The following TENT5D variants were observed in gnomAD, a reference collection of about 807,000 sequenced individuals.
TENT5D encodes the protein terminal nucleotidyltransferase 5D.
For synonymous variants in TENT5D, 103 were observed against 100.6 expected (o/e 1.02, Z -0.15); for missense variants, 191 against 287.0 (o/e 0.67, Z 2.42).
intron 3 of TENT5D, among the ~76,000 whole-genome samples, chrX:80,408,191 A>T (rs1278123745): frequency 1.9e-5 from 2 of 106,547 alleles, no homozygotes; most frequent in Non-Finnish European, 3.9e-5. Context: ...AATTAAAAGA[A>T]CTAGAAAAGC....
At chrX:80,382,589 T>G (rs1331343092) in intron 3 of TENT5D, among the ~76,000 whole-genome samples, 1 of 90,049 alleles carries the variant, frequency 1.1e-5, no homozygotes, top group African/African-American at 4.0e-5. Context: ...TGAGGAGGGG[T>G]CTGCAGAGGA....
chrX:80,344,897 C>G (rs1412810151), intron 3 of TENT5D, among the ~76,000 whole-genome samples: 1 of 111,512 alleles, frequency 9.0e-6, no homozygotes, highest in Non-Finnish European at 1.9e-5. Context: ...AATTTTAACC[C>G]ATGTTAGTTT....
At chrX:80,388,254 T>C (rs1931059770) in intron 3 of TENT5D, among the ~76,000 whole-genome samples, 1 of 111,053 alleles carries the variant, frequency 9.0e-6, no homozygotes, top group African/African-American at 3.3e-5. Flanking sequence ...ACACCTAAGC[T>C]GCAAAACAAA....
At chrX:80,359,741 A>T (rs1312222213) in intron 3 of TENT5D, among the ~76,000 whole-genome samples, 1 of 111,459 alleles carries the variant, frequency 9.0e-6, no homozygotes, top group Non-Finnish European at 1.9e-5. Flanking sequence ...CCTATGTAAC[A>T]AACCTGCACG....
At chrX:80,428,783 A>C (rs918536936) in intron 1 of TENT5D, among the ~76,000 whole-genome samples, 25 of 112,017 alleles carry the variant, frequency 2.2e-4, no homozygotes, top group African/African-American at 7.8e-4. Context: ...TGGTGCTCTC[A>C]TCACTTTTGA....
chrX:80,398,354 G>C (rs66756875), intron 3 of TENT5D, among the ~76,000 whole-genome samples: 12,535 of 111,290 alleles, frequency 0.11, 777 homozygotes, highest in African/African-American at 0.23. Context: ...TGTACATTGT[G>C]TTTCTACTCT....
intron 3 of TENT5D, among the ~76,000 whole-genome samples, chrX:80,411,855 G>T (rs1282088836): frequency 9.0e-6 from 1 of 111,408 alleles, no homozygotes; most frequent in African/African-American, 3.3e-5. Flanking sequence ...CGAGGCACAT[G>T]GTGCAAACTG....
chrX:80,381,879 A>G (rs1045283522), intron 3 of TENT5D, among the ~76,000 whole-genome samples: 1 of 111,904 alleles, frequency 8.9e-6, no homozygotes, highest in Non-Finnish European at 1.9e-5. Flanking sequence ...CAAGGTTTTT[A>G]GCTTCCTTGC....
intron 1 of TENT5D, among the ~76,000 whole-genome samples, chrX:80,425,268 T>C (rs1490962173): frequency 1.8e-5 from 2 of 112,759 alleles, no homozygotes; most frequent in Non-Finnish European, 3.7e-5. Flanking sequence ...CATTTTGCTT[T>C]CAGGAGTATA....
chrX:80,357,179 G>T (rs1255807389), intron 3 of TENT5D, among the ~76,000 whole-genome samples: 1 of 111,862 alleles, frequency 8.9e-6, no homozygotes, highest in Non-Finnish European at 1.9e-5. Context: ...CATTTGGGTT[G>T]GTTCCAAATC....
At chrX:80,369,227 A>C (rs1457865638) in intron 3 of TENT5D, among the ~76,000 whole-genome samples, 1 of 112,205 alleles carries the variant, frequency 8.9e-6, no homozygotes, top group African/African-American at 3.2e-5. Context: ...AGAAACTTGA[A>C]GTTTTTCATG....
At chrX:80,392,362 C>T (rs1931145108) in intron 3 of TENT5D, among the ~76,000 whole-genome samples, 1 of 109,872 alleles carries the variant, frequency 9.1e-6, no homozygotes, top group Non-Finnish European at 1.9e-5. Flanking sequence ...AACCATAACT[C>T]TTTGAAATAA....
At chrX:80,345,144 GT>G (rs1435627891) in intron 3 of TENT5D, among the ~76,000 whole-genome samples, 1 of 111,686 alleles carries the variant, frequency 9.0e-6, no homozygotes, top group African/African-American at 3.2e-5. Context: ...AAGTTGGAAC[GT>G]TTTTTATTCT....
At chrX:80,340,222 G>GA (rs920400551) in intron 2 of TENT5D, among the ~76,000 whole-genome samples, 2 of 109,488 alleles carry the variant, frequency 1.8e-5, no homozygotes, top group East Asian at 2.9e-4. Flanking sequence ...AGAGCTGTTT[G>GA]AAAAAAAACT....
At chrX:80,396,211 T>C (rs1191318546) in intron 3 of TENT5D, among the ~76,000 whole-genome samples, 1 of 111,440 alleles carries the variant, frequency 9.0e-6, no homozygotes, top group Non-Finnish European at 1.9e-5. Flanking sequence ...TAATTCCAAG[T>C]AGTGAGATTG....
chrX:80,339,619 G>A (rs1452744182), intron 2 of TENT5D, among the ~76,000 whole-genome samples: 1 of 110,118 alleles, frequency 9.1e-6, no homozygotes, highest in East Asian at 2.8e-4. Flanking sequence ...TTTAGTGGTG[G>A]TCACAGGTGA....
chrX:80,421,596 T>G (rs2147559803), intron 1 of TENT5D, among the ~76,000 whole-genome samples: 1 of 112,748 alleles, frequency 8.9e-6, no homozygotes, highest in Non-Finnish European at 1.9e-5. Context: ...AATCATAAAC[T>G]GAATGGATTT....
chrX:80,380,235 G>A (rs1392891504), intron 3 of TENT5D, among the ~76,000 whole-genome samples: 5 of 110,051 alleles, frequency 4.5e-5, no homozygotes, highest in African/African-American at 1.7e-4. Context: ...TCATTCAGGA[G>A]CAGGTTGTTC....
intron 3 of TENT5D, among the ~76,000 whole-genome samples, chrX:80,350,464 T>C (rs1171588681): frequency 1.8e-5 from 2 of 111,163 alleles, no homozygotes; most frequent in Non-Finnish European, 3.8e-5. Flanking sequence ...CAGGCTAGTA[T>C]TGCCACCACT....
Sources: allele counts gnomAD v4.1 joint callset (sites outside exome capture counted in the v4.1 genomes callset), GRCh38; gene constraint gnomAD v4.1.1; transcripts MANE v1.5; gene names NCBI Gene and HGNC (gene_info 2026-07-23, HGNC 2026-07-21).